USH1C: variants seen among roughly 807,000 people sequenced by gnomAD.
USH1C encodes the protein USH1 protein network component harmonin, also known as harmonin.
In USH1C, 90 loss-of-function variants were observed where a neutral mutation model predicts 119.3. That is an observed-to-expected ratio of 0.75 (90% CI 0.64 to 0.90). The LOEUF (loss-of-function observed/expected upper bound fraction) is 0.90. USH1C is among the 40% of genes least tolerant of loss of function. The probability of loss-of-function intolerance (pLI) is 0.00; values close to 1 mark genes in which losing one functional copy is unlikely to be tolerated. For synonymous variants in USH1C, 465 were observed against 443.3 expected (o/e 1.05, Z -0.62); for missense variants, 1,165 against 1,167.7 (o/e 1.00, Z 0.03).
At chr11:17,508,624 C>A (rs2158904) in intron 18 of USH1C, among the ~76,000 whole-genome samples, 4,034 of 152,288 alleles carry the variant, frequency 0.026, 177 homozygotes, top group African/African-American at 0.092. Context: ...TCAAAATAGT[C>A]TTTGGATTAC....
chr11:17,501,678 C>T lies in USH1C; in HGVS notation c.2227-143G>A, dbSNP rs1849453483. The T allele has an allele frequency of 1.2e-5, 12 of 1,039,894 alleles. No homozygotes were observed. The South Asian group carries it at 1.6e-4, about 14-fold the overall frequency. 64.4% of individuals were successfully genotyped at this position (1,039,894 alleles called of 1,614,324 possible). A position where few individuals can be genotyped will look rare whatever the true frequency, so the allele number is the denominator to read the frequency against. ...AAGGGGACCGTGCCCAGCCCCACCC[C>T]TACTGGTCTTCAACTGGGGGTCCCA... On this transcript the variant is annotated intron_variant, in intron 21 of 26. Transcript: ENST00000005226.
chr11:17,522,984 C>A, intron 11 of USH1C, 58 bp from the exon 12 acceptor site: 1 of 1,598,062 alleles, frequency 6.3e-7, no homozygotes, highest in South Asian at 1.1e-5. Flanking sequence ...GATCCCCTGA[C>A]ACACCCCTGG....
chr11:17,531,465 G>A lies in USH1C; in HGVS notation c.182C>T (p.Ala61Val). 1.2e-6 allele frequency: 2 copies of A among 1,614,070 alleles called. No homozygotes were observed. The highest frequency in any genetic ancestry group is 1.1e-5 in the South Asian group (1 of 91,058). Residue 61 changes from alanine to valine, a missense_variant, in exon 3 of 27, where the codon GCC becomes GTC. Physicochemically the swap from Ala to Val is moderately conservative, Grantham distance 64 (BLOSUM62 0). Transcript: ENST00000005226. This position sits in a 1 kb window ranked among gnomAD's most constrained non-coding sequence, Gnocchi z 4.2. ...NEPSRLPLFD[A>V]IRPLIPLKHQ... is the part of the protein sequence containing the mutation. ...CTTCAGTGGGATCAGCGGCCGAATG[G>A]CATCAAACAGAGGCAGACGGCTGGG...
Position 17,509,699 on chromosome 11 carries a change from G to C in USH1C, c.1670C>G (p.Thr557Ser), listed in dbSNP as rs760804450. 1 of 1,600,016 alleles carries C rather than the reference G, an allele frequency of 6.2e-7. No individual in the cohort carries two copies. Among genetic ancestry groups the C allele is most frequent in the Non-Finnish European group, 8.5e-7 (1 of 1,179,262 alleles). ...PLDMFYYPPKTPSALPVMPHP... is the reference protein window; with the variant it reads ...PLDMFYYPPKSPSALPVMPHP... Reference sequence around the variant, plus strand: ...GGGCATCACAGGCAAGGCAGAGGGAGTCTTGGGGGGATAGTAGAACATGTC... The same window carrying C: ...GGGCATCACAGGCAAGGCAGAGGGACTCTTGGGGGGATAGTAGAACATGTC... The change falls in exon 18 of 27, where the codon ACT (threonine) becomes AGT (serine). Residue 557 changes from threonine (T) to serine (S), a missense_variant. Thr to Ser is a moderately conservative substitution (Grantham distance 58). Transcript: ENST00000005226.
At chr11:17,500,997 C>A in intron 23 of USH1C, 54 bp downstream of exon 23, 1 of 1,501,450 alleles carries the variant, frequency 6.7e-7, no homozygotes, top group South Asian at 1.2e-5. Flanking sequence ...CCGGGAGGGC[C>A]CCGTCTAACC....
At chr11:17,503,083 G>A (rs1373408911) in intron 20 of USH1C, among the ~76,000 whole-genome samples, 1 of 152,202 alleles carries the variant, frequency 6.6e-6, no homozygotes, top group Non-Finnish European at 1.5e-5. Flanking sequence ...CCAAGCATCT[G>A]CCTGGCATCC....
At chr11:17,525,238 G>T (rs765265108) in intron 8 of USH1C, among the ~76,000 whole-genome samples, 3 of 152,130 alleles carry the variant, frequency 2.0e-5, no homozygotes, top group African/African-American at 7.2e-5. Context: ...GCACCTATTT[G>T]CCATCCTGGA....
At chr11:17,516,147 C>G in intron 15 of USH1C, 94 bp downstream of exon 15, 1 of 1,376,684 alleles carries the variant, frequency 7.3e-7, no homozygotes, top group Non-Finnish European at 1.0e-6. Flanking sequence ...CAAGTCACAC[C>G]ATTTAGTGTT....
chr11:17,527,422 C>T (rs759699950), intron 4 of USH1C, 91 bp from the exon 5 acceptor site: 95 of 1,058,996 alleles, frequency 9.0e-5, no homozygotes, highest in Non-Finnish European at 1.3e-4. Context: ...GACTGCTCTC[C>T]GGAAAAGGGA....
intron 1 of USH1C, 125 bp from the exon 2 acceptor site, chr11:17,533,447 G>T: frequency 1.3e-6 from 1 of 747,954 alleles, no homozygotes; most frequent in Admixed American, 1.9e-5. Context: ...GTTGTGAGGA[G>T]AGAAGAGGAG....
chr11:17,514,680 T>C (rs1850054267), intron 15 of USH1C: 1 of 152,188 alleles, frequency 6.6e-6, no homozygotes, highest in African/African-American at 2.4e-5. Context: ...ATGGTTCTGT[T>C]GTCCTTTCAG....
At chr11:17,502,270 G>T (rs1012318749) in intron 20 of USH1C, among the ~76,000 whole-genome samples, 2 of 152,088 alleles carry the variant, frequency 1.3e-5, no homozygotes, top group African/African-American at 2.4e-5. Flanking sequence ...ACGTCTAGAT[G>T]GTCTGGAGAG....
rs778244133 is a variant in USH1C, at chr11:17,498,137, A to G, written c.2490+25T>C. 1.9e-6 allele frequency: 3 copies of G among 1,605,002 alleles called. No homozygotes were observed. In the Admixed American group the frequency reaches 5.0e-5, roughly 27 times the overall value. On this transcript the variant is annotated intron_variant, in intron 24 of 26. Transcript: ENST00000005226. ...TTTGAGGCAGGCAGGTGAGGGAGGA[A>G]AGGAGGGAGGGGCCTTATTCTTACC...
intron 19 of USH1C, 41 bp downstream of exon 19, chr11:17,505,789 G>A: frequency 6.2e-7 from 1 of 1,613,326 alleles, no homozygotes; most frequent in South Asian, 1.1e-5. Flanking sequence ...GCCCTGGTCT[G>A]CTCCTCTAGA....
rs114716403 is a variant in USH1C at position 17,533,803 on chromosome 11, C to T, written c.37-481G>A. ...GATAGCACATGCCACTCTCCAGAAG[C>T]CCCTTACCACCGAATTCTTCTGTAA... is the stretch of plus-strand genomic sequence containing the variant. On this transcript the variant is annotated intron_variant, in intron 1 of 26. Transcript: ENST00000005226. The T allele has an allele frequency of 2.8e-3, 1,256 of 456,000 alleles. 16 individuals carry two copies. The highest frequency in any genetic ancestry group is 0.023 in the African/African-American group (1,148 of 50,200). The allele number at this position is 456,000 out of a possible 1,614,324, so 28.2% of individuals were successfully genotyped here.
chr11:17,538,985 C>T (rs1851338036), intron 1 of USH1C, among the ~76,000 whole-genome samples: 1 of 152,122 alleles, frequency 6.6e-6, no homozygotes, highest in African/African-American at 2.4e-5. Context: ...TTAATCCTGC[C>T]CTTTTCTGTA....
At chr11:17,540,484 A>G (rs1424548875) in intron 1 of USH1C, among the ~76,000 whole-genome samples, 7 of 152,014 alleles carry the variant, frequency 4.6e-5, no homozygotes, top group Admixed American at 2.0e-4. Context: ...TCAGGGGTTT[A>G]AATACCACTC....
At position 17,531,621 on chromosome 11, in the gene USH1C, T is replaced by C; in HGVS notation, c.105-79A>G. ...ACCCAGGGATTCCAAGAGGAAGCCA[T>C]TTCAGCCACTGGGCCCAGGCTTAGG... On this transcript the variant is annotated intron_variant, in intron 2 of 26. Coordinates refer to ENST00000005226, the MANE Select transcript of USH1C (RefSeq NM_153676.4). The surrounding 1 kb of genome is among the most constrained non-coding windows in gnomAD (Gnocchi z 4.2). The C allele has an allele frequency of 6.4e-7, 1 of 1,573,048 alleles. No individual in the cohort carries two copies. The highest frequency in any genetic ancestry group is 2.3e-5 in the East Asian group (1 of 43,842).
intron 8 of USH1C, among the ~76,000 whole-genome samples, chr11:17,525,306 T>C (rs1439663070): frequency 1.3e-5 from 2 of 152,250 alleles, no homozygotes; most frequent in East Asian, 1.9e-4. Context: ...ATTTACTTGG[T>C]TGGCTTCTAG....
Sources: allele counts gnomAD v4.1 joint callset (sites outside exome capture counted in the v4.1 genomes callset), GRCh38; gene constraint gnomAD v4.1.1; non-coding constraint Gnocchi (gnomAD v3.1); transcripts MANE v1.5; gene names NCBI Gene and HGNC (gene_info 2026-07-23, HGNC 2026-07-21).